The following NOP2 variants were observed in gnomAD, a reference collection of about 807,000 sequenced individuals.
The protein encoded by NOP2 is 28S rRNA (cytosine(4447)-C(5))-methyltransferase.
NOP2 carries 7 observed loss-of-function variants against 72.7 expected under a neutral mutation model. That is an observed-to-expected ratio of 0.10 (90% CI 0.05 to 0.18). The LOEUF is 0.18. Ranked by LOEUF, NOP2 falls within the 10% of genes least tolerant of loss-of-function variation. The probability of loss-of-function intolerance (pLI) is 1.00; values close to 1 mark genes in which losing one functional copy is unlikely to be tolerated. For missense variants in NOP2, 954 were observed against 1,014.7 expected (o/e 0.94, Z 0.81); for synonymous variants, 387 against 388.0 (o/e 1.00, Z 0.03).
In NOP2 at chr12:6,560,855, G is replaced by T. The variant is rs1251899767; in HGVS notation, c.1348-68C>A. 6.2e-7 allele frequency: 1 copy of T among 1,608,216 alleles called. No homozygotes were observed. The highest frequency in any genetic ancestry group is 1.3e-5 in the African/African-American group (1 of 74,738). On this transcript the variant is annotated intron_variant, in intron 12 of 15. Coordinates refer to ENST00000322166, the MANE Select transcript of NOP2 (RefSeq NM_001258308.2). This position sits in a 1 kb window ranked among gnomAD's most constrained non-coding sequence, Gnocchi z 5.0. ...CAGCAGGGCAATATTTACTAGGGTC[G>T]AGTCTAAACATTGAGGTCAGGAAGG...
chr12:6,567,908 T>G lies in NOP2; in HGVS notation c.11A>C (p.Lys4Thr), dbSNP rs752867077. 1 of 1,613,910 alleles carries G rather than the reference T, an allele frequency of 6.2e-7. No homozygotes were observed. Among genetic ancestry groups the G allele is most frequent in the Admixed American group, 1.7e-5 (1 of 60,008 alleles). Residue 4 changes from lysine (K) to threonine (T), a missense_variant, in exon 2 of 16, where the codon AAG becomes ACG. By Grantham distance (78) the Lys-to-Thr change is moderately conservative. Around this residue, in one of 3 missense-constraint regions of NOP2, gnomAD observed 498 missense variants for 478.3 expected, o/e 1.04. Coordinates refer to ENST00000322166, the MANE Select transcript of NOP2 (RefSeq NM_001258308.2). The stretch of plus-strand genomic sequence containing the variant: ...CCGCTTCTCCTTCGTAGGGTCCAAC[T>G]TGCGCCCCATGGTACTGTGGCAGGC... The part of the protein sequence containing the change: MGR[K>T]LDPTKEKRGP...
chr12:6,566,590 A>G lies in NOP2; in HGVS notation c.177T>C (p.Val59=), dbSNP rs1947785223. 1 of 1,613,850 alleles carries G rather than the reference A, an allele frequency of 6.2e-7. No homozygotes were observed. Among genetic ancestry groups the G allele is most frequent in the South Asian group, 1.1e-5 (1 of 91,092 alleles). The change falls in exon 4 of 16, where the codon GTT becomes GTC. Residue 59 remains valine (V), a synonymous_variant. Transcript: ENST00000322166. ...KRAAKRRLGS[V]EAPKTNKSPE... ...GAGACTTATTTGTCTTAGGGGCTTCAACAGAGCCCAATCTCCTCTTGGCTG... is the reference window on the plus strand; with the variant it reads ...GAGACTTATTTGTCTTAGGGGCTTCGACAGAGCCCAATCTCCTCTTGGCTG...
At position 6,560,924 on chromosome 12, in the gene NOP2, G is replaced by A. The variant is rs2136170605; in HGVS notation, c.1347+7C>T. 6.2e-7 allele frequency: 1 copy of A among 1,613,896 alleles called. No individual in the cohort carries two copies. Among genetic ancestry groups the A allele is most frequent in the African/African-American group, 1.3e-5 (1 of 75,054 alleles). ...AAGCCTCAGAAGACACACAGCTCGA[G>A]TCTCACCTTGGGGAACTGGCGCCCA... On this transcript the variant is annotated splice_region_variant and intron_variant, in intron 12 of 15. Transcript: ENST00000322166. This position sits in a 1 kb window ranked among gnomAD's most constrained non-coding sequence, Gnocchi z 5.0.
rs1947512421 is a variant in NOP2 at position 6,557,316 on chromosome 12, G to A, written c.2116C>T (p.Gln706Ter). 3 of 1,614,042 alleles carry A rather than the reference G, an allele frequency of 1.9e-6. No individual in the cohort carries two copies. ...GKLKQRSPKLQSSKKVAFLRQ... is the reference protein window; with the variant it reads ...GKLKQRSPKL Reference sequence around the variant, plus strand: ...AGGAAAGCAACTTTCTTGGAGGACTGTAATTTAGGTGATCGTTGCTTTAGC... The same window carrying A: ...AGGAAAGCAACTTTCTTGGAGGACTATAATTTAGGTGATCGTTGCTTTAGC... The change falls in exon 16 of 16, where the codon CAG becomes TAG. Residue 706 changes from glutamine to a stop codon, truncating the protein, a stop_gained. Coordinates refer to ENST00000322166, the MANE Select transcript of NOP2 (RefSeq NM_001258308.2). LOFTEE classifies it low-confidence loss of function (END_TRUNC).
In NOP2 at chr12:6,560,840, A is replaced by G; in HGVS notation, c.1348-53T>C. On this transcript the variant is annotated intron_variant, in intron 12 of 15. Transcript: ENST00000322166. This position sits in a 1 kb window ranked among gnomAD's most constrained non-coding sequence, Gnocchi z 5.0. ...TGTCTCTTCTGCAACCAGCAGGGCA[A>G]TATTTACTAGGGTCGAGTCTAAACA... The G allele has an allele frequency of 3.1e-6, 5 of 1,608,824 alleles. No individual in the cohort carries two copies. The highest frequency in any genetic ancestry group is 4.2e-6 in the Non-Finnish European group (5 of 1,177,346).
chr12:6,560,522 G>A lies in NOP2; in HGVS notation c.1485C>T (p.Leu495=), dbSNP rs542592432. The A allele has an allele frequency of 1.2e-6, 2 of 1,604,838 alleles. No individual in the cohort carries two copies. The highest frequency in any genetic ancestry group is 8.5e-7 in the Non-Finnish European group (1 of 1,174,630). ...CATTGACAGAGTCAATAGCACTCAGGAGCAACTCCTTCTGGAGGTGAGCAC... is the reference window on the plus strand; with the variant it reads ...CATTGACAGAGTCAATAGCACTCAGAAGCAACTCCTTCTGGAGGTGAGCAC... ...LRCAHLQKEL[L]LSAIDSVNAT... The change falls in exon 14 of 16, where the codon CTC becomes CTT. Residue 495 remains leucine, a synonymous_variant. Coordinates refer to ENST00000322166, the MANE Select transcript of NOP2 (RefSeq NM_001258308.2). The surrounding 1 kb of genome is among the most constrained non-coding windows in gnomAD (Gnocchi z 5.0).
rs372507324 is a variant in NOP2, at chr12:6,557,110, A to T, written c.2322T>A (p.Asn774Lys). 1.3e-4 allele frequency: 208 copies of T among 1,613,842 alleles called. 1 individual carries two copies. Among genetic ancestry groups the T allele is most frequent in the Admixed American group, 9.7e-4 (58 of 59,992 alleles). Residue 774 changes from asparagine to lysine, a missense_variant, in exon 16 of 16, where the codon AAT becomes AAA. This residue lies in a region of NOP2 where 269 missense variants were observed against 260.2 expected (regional missense o/e 1.03). Transcript: ENST00000322166. ...GAGGCTGAGGCCCCTTGGGGGTATC[A>T]TTCTGTTTCTGGAAGGCAGCTTTCT... ...PFEKAAFQKQNDTPKGPQPPT... is the reference protein window; with the variant it reads ...PFEKAAFQKQKDTPKGPQPPT...
In NOP2 at chr12:6,560,214, C is replaced by T. The variant is rs202020626; in HGVS notation, c.1673G>A (p.Arg558His). The change falls in exon 15 of 16, where the codon CGC becomes CAC. Residue 558 changes from arginine to histidine, a missense_variant. Arg to His is a conservative substitution (Grantham distance 29). Transcript: ENST00000322166. This position sits in a 1 kb window ranked among gnomAD's most constrained non-coding sequence, Gnocchi z 5.0. ...GGTAGAACGCAGACTGGGGTGGAAG[C>T]GCCTTTCTCGAAAGCGGGTAAAACC... ...QEGFTRFRER[R>H]FHPSLRSTRR... 19 of 1,613,786 alleles carry T rather than the reference C, an allele frequency of 1.2e-5. No individual in the cohort carries two copies. The African/African-American group carries it at 1.2e-4, about 10-fold the overall frequency.
chr12:6,557,921 T>C (rs913185460), intron 15 of NOP2: 7 of 420,804 alleles, frequency 1.7e-5, no homozygotes, highest in Admixed American at 4.1e-5. Context: ...GGCAAGTGGA[T>C]TGCTTGAGGC....
intron 9 of NOP2, 55 bp from the exon 10 acceptor site, chr12:6,562,026 T>C (rs532739469): frequency 7.6e-7 from 1 of 1,316,094 alleles, no homozygotes; most frequent in Admixed American, 2.0e-5. Context: ...TCTCACTCTG[T>C]TGCCCAGGCT....
chr12:6,558,492 T>A (rs1035613402), intron 15 of NOP2, among the ~76,000 whole-genome samples: 4 of 152,060 alleles, frequency 2.6e-5, no homozygotes, highest in African/African-American at 9.7e-5. Context: ...CTTGAACTCC[T>A]GACCTCAGGT....
chr12:6,557,993 T>G, intron 15 of NOP2: 2 of 336,582 alleles, frequency 5.9e-6, no homozygotes, highest in South Asian at 4.6e-5. Context: ...ATACAAAAAT[T>G]AGCCAGGGAT....
Position 6,563,766 on chromosome 12 carries a change from T to C in NOP2, c.536A>G (p.Gln179Arg). ...QKAREAAAGI[Q>R]WSEEETEDEE... The stretch of plus-strand genomic sequence containing the variant: ...GTCCTCGGTCTCCTCTTCACTCCAC[T>C]GGATCCTAGAAACAGGTCCAGGAAC... Residue 179 changes from glutamine to arginine, a missense_variant, in exon 7 of 16, where the codon CAG (glutamine) becomes CGG (arginine). By Grantham distance (43) the Gln-to-Arg change is conservative (BLOSUM62 1). Transcript: ENST00000322166. 3 of 1,613,102 alleles carry C rather than the reference T, an allele frequency of 1.9e-6. No individual in the cohort carries two copies. The highest frequency in any genetic ancestry group is 1.3e-5 in the African/African-American group (1 of 75,008).
intron 5 of NOP2, among the ~76,000 whole-genome samples, chr12:6,564,523 G>A (rs1324922992): frequency 1.3e-5 from 2 of 151,732 alleles, no homozygotes; most frequent in Non-Finnish European, 2.9e-5. Context: ...CGCCTCCCAG[G>A]TTCAAATGAT....
intron 4 of NOP2, 64 bp from the exon 5 acceptor site, chr12:6,566,400 G>A: frequency 6.7e-7 from 1 of 1,494,134 alleles, no homozygotes; most frequent in Non-Finnish European, 9.3e-7. Context: ...CACCCTGGGA[G>A]CCTGTACTTT....
chr12:6,566,864 A>T lies in NOP2; in HGVS notation c.104-42T>A, dbSNP rs1375545158. The T allele has an allele frequency of 2.0e-6, 3 of 1,535,984 alleles. 1 individual carries two copies. Among genetic ancestry groups the T allele is most frequent in the South Asian group, 1.2e-5 (1 of 85,754 alleles). On this transcript the variant is annotated intron_variant, in intron 2 of 15. Transcript: ENST00000322166. The stretch of plus-strand genomic sequence containing the variant: ...AACGAGGCAGAACAAGTTACAGGGG[A>T]CATTAAAAATAAATGGGAACGGAAA...
intron 9 of NOP2, among the ~76,000 whole-genome samples, 160 bp downstream of exon 9, chr12:6,562,921 A>C (rs1947685450): frequency 6.6e-6 from 1 of 152,072 alleles, no homozygotes; most frequent in Admixed American, 6.5e-5. Flanking sequence ...AGGCCCCCAG[A>C]TCCTATCCTG....
chr12:6,566,068 C>A, intron 5 of NOP2, 33 bp downstream of exon 5: 11 of 1,526,646 alleles, frequency 7.2e-6, no homozygotes, highest in Non-Finnish European at 9.0e-6. Context: ...TAGCAAGGAT[C>A]CTTCTATGAA....
chr12:6,564,542 C>T (rs1222385478), intron 5 of NOP2, among the ~76,000 whole-genome samples: 1 of 151,834 alleles, frequency 6.6e-6, no homozygotes, highest in Non-Finnish European at 1.5e-5. Context: ...ATTCTCCTGC[C>T]TCAGCCTCCC....
Sources: allele counts gnomAD v4.1 joint callset (sites outside exome capture counted in the v4.1 genomes callset), GRCh38; gene constraint gnomAD v4.1.1; regional missense constraint gnomAD v4.1.1; non-coding constraint Gnocchi (gnomAD v3.1); transcripts MANE v1.5; gene names NCBI Gene and HGNC (gene_info 2026-07-23, HGNC 2026-07-21).